CNRIP1: variants seen among roughly 807,000 people sequenced by gnomAD.
CNRIP1 encodes cannabinoid receptor interacting protein 1.
A neutral mutation model predicts 15.2 loss-of-function variants in CNRIP1; 10 were observed. The observed-to-expected ratio is 0.66, with a 90% CI of 0.41 to 1.12. The LOEUF (loss-of-function observed/expected upper bound fraction) is 1.12, where lower values mean the gene tolerates loss of function less well. Ranked by LOEUF, CNRIP1 falls within the 50% of genes most tolerant of loss-of-function variation. The pLI, the probability that CNRIP1 is intolerant of heterozygous loss-of-function variation, is 0.00. For synonymous variants in CNRIP1, 91 were observed against 83.2 expected, an observed-to-expected ratio of 1.09 and a Z score of -0.51; for missense variants, 211 against 214.7, an observed-to-expected ratio of 0.98 and a Z score of 0.11.
downstream of CNRIP1, among the ~76,000 whole-genome samples, chr2:68,291,664 A>T (rs916690731): frequency 1.3e-5 from 2 of 152,116 alleles, no homozygotes; most frequent in Admixed American, 1.3e-4. Context: ...GTAGATCACG[A>T]GGTCAGGAGT....
At chr2:68,316,303 C>T (rs1405034284) in intron 2 of CNRIP1, 2 of 152,036 alleles carry the variant, frequency 1.3e-5, no homozygotes, top group African/African-American at 2.4e-5. Context: ...AAACAAACTC[C>T]CAAAGAGATT....
intron 2 of CNRIP1, among the ~76,000 whole-genome samples, chr2:68,307,439 A>C (rs1671898378): frequency 6.6e-6 from 1 of 152,204 alleles, no homozygotes; most frequent in East Asian, 1.9e-4. Flanking sequence ...CTCCCACCTC[A>C]GTCTCTGGAG....
chr2:68,306,108 A>G (rs1671830892), intron 2 of CNRIP1, among the ~76,000 whole-genome samples: 1 of 124,882 alleles, frequency 8.0e-6, no homozygotes. Context: ...CCTGGGCAGC[A>G]GAGACCCCAC....
intron 2 of CNRIP1, among the ~76,000 whole-genome samples, chr2:68,304,716 G>T (rs1488024923): frequency 6.6e-6 from 1 of 151,612 alleles, no homozygotes; most frequent in Non-Finnish European, 1.5e-5. Context: ...CGCCTCCAAG[G>T]TTCATGCCAT....
downstream of CNRIP1, among the ~76,000 whole-genome samples, chr2:68,291,931 C>G (rs1395360564): frequency 6.6e-6 from 1 of 150,820 alleles, no homozygotes; most frequent in East Asian, 1.9e-4. Flanking sequence ...ATGATAATGT[C>G]TCCACCCTCA....
intron 2 of CNRIP1, among the ~76,000 whole-genome samples, chr2:68,310,242 C>G (rs987311306): frequency 1.3e-5 from 2 of 152,186 alleles, no homozygotes; most frequent in African/African-American, 4.8e-5. Context: ...GCAGGAGAAT[C>G]GCTTGAACCT....
chr2:68,305,274 A>ATATGTG (rs1178617955), intron 2 of CNRIP1, among the ~76,000 whole-genome samples: 1 of 120,654 alleles, frequency 8.3e-6, no homozygotes, highest in Non-Finnish European at 1.7e-5. Flanking sequence ...ATATATATAT[A>ATATGTG]TGTGTGTGTG....
Position 68,317,273 on chromosome 2 carries a change from C to T in CNRIP1, c.214G>A (p.Glu72Lys). 6.2e-7 allele frequency: 1 copy of T among 1,614,092 alleles called. No homozygotes were observed. Among genetic ancestry groups the T allele is most frequent in the South Asian group, 1.1e-5 (1 of 91,080 alleles). The change falls in exon 2 of 3, where the codon GAA becomes AAA. Residue 72 changes from glutamate to lysine, a missense_variant. By Grantham distance (56) the Glu-to-Lys change is moderately conservative. Transcript: ENST00000263655. Reference sequence around the variant, plus strand: ...CCATCAGGCTCTTTAGACTTCAGTTCCAGTGGGACAAGCACACCACCAATG... The same window carrying T: ...CCATCAGGCTCTTTAGACTTCAGTTTCAGTGGGACAAGCACACCACCAATG... ...ISIGGVLVPLELKSKEPDGDR... is the reference protein window; with the variant it reads ...ISIGGVLVPLKLKSKEPDGDR...
chr2:68,295,174 T>A (rs1438660864), intron 2 of CNRIP1, among the ~76,000 whole-genome samples: 1 of 152,136 alleles, frequency 6.6e-6, no homozygotes, highest in Non-Finnish European at 1.5e-5. Flanking sequence ...CCAGAAGACG[T>A]GGACAGAGGA....
chr2:68,294,103 T>G, intron 2 of CNRIP1, 77 bp from the exon 3 acceptor site: 1 of 1,461,276 alleles, frequency 6.8e-7, no homozygotes, highest in Non-Finnish European at 9.4e-7. Flanking sequence ...ATTAGTGATG[T>G]AGCTCCTGGA....
At chr2:68,303,793 G>A (rs1425632964) in intron 2 of CNRIP1, among the ~76,000 whole-genome samples, 3 of 152,168 alleles carry the variant, frequency 2.0e-5, no homozygotes, top group Non-Finnish European at 4.4e-5. Context: ...AAAGGTTGGA[G>A]AGTCCAGGCG....
At chr2:68,297,836 G>A (rs1190267527) in intron 2 of CNRIP1, among the ~76,000 whole-genome samples, 2 of 152,034 alleles carry the variant, frequency 1.3e-5, no homozygotes, top group African/African-American at 2.4e-5. Flanking sequence ...TTAGAACAAT[G>A]TTTAAAGGAA....
chr2:68,305,272 ATATG>A lies in CNRIP1; in HGVS notation c.331-11250_331-11247del, dbSNP rs1466428631. Reference sequence around the variant, plus strand: ...AAAAAAAAAAAAAATATATATATATATATGTGTGTGTGTGTGTGTGTGTGTGTGT... The same window carrying A: ...AAAAAAAAAAAAAATATATATATATATGTGTGTGTGTGTGTGTGTGTGTGT... On this transcript the variant is annotated intron_variant, in intron 2 of 2. Coordinates refer to ENST00000263655, the MANE Select transcript of CNRIP1 (RefSeq NM_015463.3). Among the ~76,000 whole-genome samples the A allele has an allele frequency of 9.2e-3, 632 of 69,006 alleles. 10 individuals carry two copies. Among genetic ancestry groups the A allele is most frequent in the African/African-American group, 0.026 (590 of 22,316 alleles). The allele number at this position is 69,006 out of a possible 152,430, so 45.3% of individuals were successfully genotyped here.
chr2:68,304,477 C>T (rs935221003), intron 2 of CNRIP1, among the ~76,000 whole-genome samples: 5 of 152,064 alleles, frequency 3.3e-5, no homozygotes, highest in South Asian at 2.1e-4. Flanking sequence ...AAAAGGTCTG[C>T]GGTCCCTAAC....
At chr2:68,308,165 C>T (rs1039212854) in intron 2 of CNRIP1, among the ~76,000 whole-genome samples, 2 of 151,906 alleles carry the variant, frequency 1.3e-5, no homozygotes, top group Non-Finnish European at 2.9e-5. Context: ...TGCACTCTAG[C>T]CTGGGTTACA....
Position 68,319,217 on chromosome 2 carries a change from C to T in CNRIP1, c.179+5G>A. The T allele has an allele frequency of 6.5e-7, 1 of 1,540,716 alleles. No individual in the cohort carries two copies. Among genetic ancestry groups the T allele is most frequent in the Non-Finnish European group, 8.8e-7 (1 of 1,141,388 alleles). The stretch of plus-strand genomic sequence containing the variant: ...CCCTGCTGCCACCAGGCGCCCCGCA[C>T]TCACTCGACCTGCAGCGTGCTGGGT... On this transcript the variant is annotated splice_donor_5th_base_variant and intron_variant, in intron 1 of 2. Coordinates refer to ENST00000263655, the MANE Select transcript of CNRIP1 (RefSeq NM_015463.3).
chr2:68,319,118 C>T (rs1672391883), intron 1 of CNRIP1, 104 bp downstream of exon 1: 12 of 1,222,772 alleles, frequency 9.8e-6, no homozygotes, highest in South Asian at 1.7e-5. Flanking sequence ...CTGGGAGCGG[C>T]GCGAGGCCAG....
exon 3 of CNRIP1, chr2:68,284,247 CAGAG>C (rs751489396): frequency 2.3e-6 from 1 of 436,940 alleles, no homozygotes; most frequent in East Asian, 3.8e-5. Context: ...GATTTACTCT[CAGAG>C]AGTTTGCTCA....
chr2:68,285,656 C>CA (rs772428324), intron 2 of CNRIP1, among the ~76,000 whole-genome samples: 14,706 of 103,574 alleles, frequency 0.14, 1,503 homozygotes, highest in African/African-American at 0.25. Context: ...GACCCTGTCT[C>CA]AAAAAAAAAA....
Sources: allele counts gnomAD v4.1 joint callset (sites outside exome capture counted in the v4.1 genomes callset), GRCh38; gene constraint gnomAD v4.1.1; transcripts MANE v1.5; gene names NCBI Gene and HGNC (gene_info 2026-07-23, HGNC 2026-07-21).